ACRV1: variants seen among roughly 807,000 people sequenced by gnomAD.
ACRV1 encodes acrosomal vesicle protein 1, also known as acrosomal protein SP-10.
Under a neutral mutation model 29.2 loss-of-function variants are expected in ACRV1, and 17 were observed. The ratio of observed to expected loss-of-function variants is 0.58; its 90% CI spans 0.40 to 0.87. ACRV1 has a LOEUF of 0.87. Among genes scored for constraint, ACRV1 ranks in the 40% least tolerant of loss-of-function variants. The pLI is 0.00. For synonymous variants in ACRV1, 98 were observed against 111.6 expected, an observed-to-expected ratio of 0.88 and a Z score of 0.77; for missense variants, 294 against 316.0, an observed-to-expected ratio of 0.93 and a Z score of 0.53.
chr11:125,678,297 C>T lies in ACRV1; in HGVS notation c.53G>A (p.Gly18Glu), dbSNP rs138802175. 801 of 1,612,854 alleles carry T rather than the reference C, an allele frequency of 5.0e-4. 8 individuals are homozygous for T. In the East Asian group the frequency reaches 0.015, roughly 29 times the overall value. ...MSLYLLGSARGTSSQPNELSG... is the reference protein window; with the variant it reads ...MSLYLLGSARETSSQPNELSG... ...AAGCTCATTAGGCTGACTTGATGTT[C>T]CTGGGATGGAGAAGGAACAGAAGAG... The change falls in exon 2 of 4, where the codon GGA (glycine) becomes GAA (glutamate). Residue 18 changes from glycine (G) to glutamate (E), a missense_variant and splice_region_variant. Transcript: ENST00000533904.
chr11:125,680,240 A>G (rs1942736037), intron 1 of ACRV1, among the ~76,000 whole-genome samples: 1 of 152,210 alleles, frequency 6.6e-6, no homozygotes, highest in South Asian at 2.1e-4. Flanking sequence ...AAAAGAAGAG[A>G]TGATACAGAA....
Position 125,679,216 on chromosome 11 carries a change from C to CTTTTTTTTT in ACRV1, c.53-928_53-920dup, listed in dbSNP as rs71045115. Among the ~76,000 whole-genome samples the CTTTTTTTTT allele has an allele frequency of 3.5e-3, 426 of 121,000 alleles. 17 individuals carry two copies. Among genetic ancestry groups the CTTTTTTTTT allele is most frequent in the Middle Eastern group, 0.014 (3 of 214 alleles). The allele number at this position is 121,000 out of a possible 152,430, so 79.4% of individuals were successfully genotyped here. A position where few individuals can be genotyped will look rare whatever the true frequency, so the allele number is the denominator to read the frequency against. ...TCTTCTACCTTTAATCCGTCTCTTT[C>CTTTTTTTTT]TTTTTTTTTTTTTGTTTCAAAGATA... On this transcript the variant is annotated intron_variant, in intron 1 of 3. Coordinates refer to ENST00000533904, the MANE Select transcript of ACRV1 (RefSeq NM_001612.6).
chr11:125,678,978 T>TTTTATATATATATA (rs1555078664), intron 1 of ACRV1, among the ~76,000 whole-genome samples: 1 of 88,442 alleles, frequency 1.1e-5, no homozygotes, highest in East Asian at 3.0e-4. Context: ...TCTAGGCATA[T>TTTTATATATATATA]TATATATATA....
Position 125,672,517 on chromosome 11 carries a change from C to A in ACRV1, c.*76G>T. The A allele has an allele frequency of 6.4e-7, 1 of 1,565,880 alleles. No homozygotes were observed. On this transcript the variant is annotated 3_prime_UTR_variant, in exon 4 of 4. Transcript: ENST00000533904. ...GGTCAGTTGTTGACTGGGGAAGGAA[C>A]TAAATATAAAATGAGCCAAATAGAG...
At chr11:125,679,181 C>T (rs1591440087) in intron 1 of ACRV1, among the ~76,000 whole-genome samples, 1 of 145,808 alleles carries the variant, frequency 6.9e-6, no homozygotes. Context: ...TTATTTTTTT[C>T]TGGCCAGTCT....
At chr11:125,673,880 C>T (rs548421111) in intron 3 of ACRV1, among the ~76,000 whole-genome samples, 45 of 152,188 alleles carry the variant, frequency 3.0e-4, no homozygotes, top group East Asian at 1.4e-3. Flanking sequence ...AACATTTGGC[C>T]GGGCACAGTG....
intron 2 of ACRV1, 128 bp from the exon 3 acceptor site, chr11:125,676,606 G>C: frequency 8.4e-7 from 1 of 1,188,406 alleles, no homozygotes. Flanking sequence ...AGTTCTTTTT[G>C]GGGATCTGGG....
Position 125,678,285 on chromosome 11 carries a change from T to A in ACRV1, c.65A>T (p.Gln22Leu), listed in dbSNP as rs779504702. ...TATGGAGCCAGAAAGCTCATTAGGC[T>A]GACTTGATGTTCCTGGGATGGAGAA... The part of the protein sequence containing the change: ...LLGSARGTSS[Q>L]PNELSGSIDH... Residue 22 changes from glutamine (Q) to leucine (L), a missense_variant, in exon 2 of 4, where the codon CAG (glutamine) becomes CTG (leucine). Coordinates refer to ENST00000533904, the MANE Select transcript of ACRV1 (RefSeq NM_001612.6). 1.9e-6 allele frequency: 3 copies of A among 1,613,670 alleles called. No individual in the cohort carries two copies. The highest frequency in any genetic ancestry group is 2.5e-6 in the Non-Finnish European group (3 of 1,179,834).
rs71045115 is a variant in ACRV1, at chr11:125,679,216, C to CTTTTTTTTTTTTTTTTTTTTT, written c.53-920_53-919insAAAAAAAAAAAAAAAAAAAAA. ...TCTTCTACCTTTAATCCGTCTCTTT[C>CTTTTTTTTTTTTTTTTTTTTT]TTTTTTTTTTTTTGTTTCAAAGATA... On this transcript the variant is annotated intron_variant, in intron 1 of 3. Transcript: ENST00000533904. Among the ~76,000 whole-genome samples, 213 of 121,016 alleles carry CTTTTTTTTTTTTTTTTTTTTT rather than the reference C, an allele frequency of 1.8e-3. 12 individuals are homozygous for CTTTTTTTTTTTTTTTTTTTTT. The highest frequency in any genetic ancestry group is 6.4e-3 in the African/African-American group (201 of 31,608). The allele number at this position is 121,016 out of a possible 152,430, so 79.4% of individuals were successfully genotyped here.
At chr11:125,680,015 C>T (rs941550288) in intron 1 of ACRV1, among the ~76,000 whole-genome samples, 4 of 152,208 alleles carry the variant, frequency 2.6e-5, no homozygotes, top group Non-Finnish European at 5.9e-5. Context: ...GTTTATGACT[C>T]GTGTCACCAT....
chr11:125,679,988 A>G (rs1267500821), intron 1 of ACRV1, among the ~76,000 whole-genome samples: 3 of 152,218 alleles, frequency 2.0e-5, no homozygotes, highest in Non-Finnish European at 4.4e-5. Context: ...AAAGCATGCT[A>G]ATTTCTTGAT....
chr11:125,676,407 A>G lies in ACRV1; in HGVS notation c.625T>C (p.Cys209Arg). The G allele has an allele frequency of 6.2e-7, 1 of 1,614,162 alleles. No homozygotes were observed. ...QGKCLRGEGT[C>R]ITQNSQQCML... Reference sequence around the variant, plus strand: ...CACTGCTGGGAATTCTGAGTGATGCAGGTTCCCTCTCCACGAAGACATTTT... The same window carrying G: ...CACTGCTGGGAATTCTGAGTGATGCGGGTTCCCTCTCCACGAAGACATTTT... The change falls in exon 3 of 4, where the codon TGC (cysteine) becomes CGC (arginine). Residue 209 changes from cysteine (C) to arginine (R), a missense_variant. By Grantham distance (180) the Cys-to-Arg change is radical. Coordinates refer to ENST00000533904, the MANE Select transcript of ACRV1 (RefSeq NM_001612.6).
At chr11:125,673,669 A>G (rs186258371) in intron 3 of ACRV1, among the ~76,000 whole-genome samples, 57 of 152,282 alleles carry the variant, frequency 3.7e-4, no homozygotes, top group Middle Eastern at 3.4e-3. Context: ...AAAACTTACT[A>G]TGCCCAAAAT....
rs1473470164 is a variant in ACRV1, at chr11:125,672,791, G to T, written c.674-74C>A. The T allele has an allele frequency of 3.2e-6, 5 of 1,573,596 alleles. No individual in the cohort carries two copies. The Admixed American group carries it at 7.0e-5, about 22-fold the overall frequency. The stretch of plus-strand genomic sequence containing the variant: ...CCTTAGCCTTTATCTGTGATGCTCA[G>T]TGTCTCCATGCAGGATGGTCAAGAC... On this transcript the variant is annotated intron_variant, in intron 3 of 3. Transcript: ENST00000533904.
rs781394674 is a variant in ACRV1, at chr11:125,677,971, C to T, written c.379G>A (p.Glu127Lys). The change falls in exon 2 of 4, where the codon GAA (glutamate) becomes AAA (lysine). Residue 127 changes from glutamate (E) to lysine (K), a missense_variant. Physicochemically the swap from Glu to Lys is moderately conservative, Grantham distance 56. Transcript: ENST00000533904. ...GACTCAAGCTCACTCAAAGGCTGTT[C>T]TCCGGAGAGGTGTTCACCTGAAGGC... ...EQPSGEHLSG[E>K]QPLSELESGE... The T allele has an allele frequency of 1.2e-6, 2 of 1,612,540 alleles. No individual in the cohort carries two copies. The highest frequency in any genetic ancestry group is 2.2e-5 in the South Asian group (2 of 91,016).
intron 1 of ACRV1, among the ~76,000 whole-genome samples, chr11:125,678,889 ACACT>A (rs1942646771): frequency 6.7e-6 from 1 of 149,848 alleles, no homozygotes; most frequent in African/African-American, 2.5e-5. Context: ...GTATTTTCTC[ACACT>A]CAATCCCCAA....
At chr11:125,673,089 A>T (rs1038721810) in intron 3 of ACRV1, among the ~76,000 whole-genome samples, 1 of 152,020 alleles carries the variant, frequency 6.6e-6, no homozygotes, top group South Asian at 2.1e-4. Flanking sequence ...TGACCCTACT[A>T]TGCCGAAACC....
Position 125,678,315 on chromosome 11 carries a change from C to T in ACRV1, c.53-18G>A. On this transcript the variant is annotated intron_variant, in intron 1 of 3. Transcript: ENST00000533904. The stretch of plus-strand genomic sequence containing the variant: ...TGATGTTCCTGGGATGGAGAAGGAA[C>T]AGAAGAGAGTTGGTGAAGCTGACAG... 6.2e-7 allele frequency: 1 copy of T among 1,610,108 alleles called. No homozygotes were observed. The highest frequency in any genetic ancestry group is 8.5e-7 in the Non-Finnish European group (1 of 1,178,312).
intron 1 of ACRV1, among the ~76,000 whole-genome samples, chr11:125,679,226 T>TTTTTTTTTTTTTTTTTTTTTTTG (rs1382524633): frequency 2.1e-5 from 3 of 145,580 alleles, no homozygotes; most frequent in African/African-American, 7.6e-5. Flanking sequence ...CTTTTTTTTT[T>TTTTTTTTTTTTTTTTTTTTTTTG]TTTGTTTCAA....
Sources: gnomAD v4.1 joint callset for allele counts (sites outside exome capture counted in the v4.1 genomes callset) on GRCh38, gnomAD v4.1.1 for gene constraint, MANE v1.5 for transcripts, NCBI Gene and HGNC (gene_info 2026-07-23, HGNC 2026-07-21) for gene names.